Variants in KHSRP observed in about 807,000 individuals in gnomAD.
KHSRP encodes far upstream element-binding protein 2.
Under a neutral mutation model 94.9 loss-of-function variants are expected in KHSRP, and 13 were observed. The observed-to-expected ratio is 0.14, with a 90% CI of 0.09 to 0.22. The LOEUF is 0.22. Among genes scored for constraint, KHSRP ranks in the 10% least tolerant of loss-of-function variants. KHSRP has a pLI of 1.00. For synonymous variants in KHSRP, 495 were observed against 401.4 expected (o/e 1.23, Z -2.79); for missense variants, 710 against 1,010.0 (o/e 0.70, Z 4.03).
intron 1 of KHSRP, among the ~76,000 whole-genome samples, chr19:6,422,834 G>GT (rs888266800): frequency 1.6e-4 from 24 of 151,254 alleles, no homozygotes; most frequent in East Asian, 3.9e-4. Context: ...CAGAAAGTGT[G>GT]TTTTTTTTTA....
At position 6,415,276 on chromosome 19, in the gene KHSRP, T is replaced by C. The variant is rs1190073264; in HGVS notation, c.1992A>G (p.Pro664=). The C allele has an allele frequency of 6.2e-7, 1 of 1,613,092 alleles. No individual in the cohort carries two copies. The highest frequency in any genetic ancestry group is 8.5e-7 in the Non-Finnish European group (1 of 1,179,822). ...CTGGCTGGGAGCCTGGGGGAGCTCCTGGACCCCCTCCGGTGGCCACTTGCG... is the reference window on the plus strand; with the variant it reads ...CTGGCTGGGAGCCTGGGGGAGCTCCCGGACCCCCTCCGGTGGCCACTTGCG... ...KQAQVATGGG[P]GAPPGSQPDY... Residue 664 remains proline (P), a synonymous_variant, in exon 19 of 19, where the codon CCA becomes CCG. Coordinates refer to ENST00000600480, the MANE Select transcript of KHSRP (RefSeq NM_001366299.1).
chr19:6,418,767 T>C lies in KHSRP; in HGVS notation c.715A>G (p.Met239Val). ...AGGCCGGCCTTGCCCGCGGGGATCA[T>C]GATCTCCTGCACGGTGCCGTTCTGG... ...GGQNGTVQEI[M>V]IPAGKAGLVI... The change falls in exon 8 of 19, where the codon ATG (methionine) becomes GTG (valine). Residue 239 changes from methionine to valine, a missense_variant. Met to Val is a conservative substitution (Grantham distance 21, BLOSUM62 1). This residue lies in a region of KHSRP where 288 missense variants were observed against 501.1 expected (regional missense o/e 0.57). Coordinates refer to ENST00000600480, the MANE Select transcript of KHSRP (RefSeq NM_001366299.1). The surrounding 1 kb of genome is among the most constrained non-coding windows in gnomAD (Gnocchi z 4.3). 1 of 1,612,648 alleles carries C rather than the reference T, an allele frequency of 6.2e-7. No homozygotes were observed. The highest frequency in any genetic ancestry group is 8.5e-7 in the Non-Finnish European group (1 of 1,179,488).
chr19:6,415,677 T>G lies in KHSRP; in HGVS notation c.1745A>C (p.His582Pro). 1 of 1,546,358 alleles carries G rather than the reference T, an allele frequency of 6.5e-7. No homozygotes were observed. Residue 582 changes from histidine to proline, a missense_variant, in exon 17 of 19, where the codon CAC (histidine) becomes CCC (proline). By Grantham distance (77) the His-to-Pro change is moderately conservative. Coordinates refer to ENST00000600480, the MANE Select transcript of KHSRP (RefSeq NM_001366299.1). ...PNAAWAAYYS[H>P]YYQQPPGPVP... The stretch of plus-strand genomic sequence containing the variant: ...GGGGCCCGGGGGCTGCTGGTAGTAG[T>G]GTGAGTAGTAGGCGGCCCACGCGGC...
rs1442582441 is a variant in KHSRP, at chr19:6,421,279, T to C, written c.424A>G (p.Arg142Gly). The part of the protein sequence containing the change: ...SQLGPIHPPP[R>G]TSMTEEYRVP... ...AGTGTGGGCCCCACCATGGCTTACC[T>C]TGGGGGAGGATGGATGGGTCCAAGT... is the stretch of plus-strand genomic sequence containing the variant. Residue 142 changes from arginine to glycine, a missense_variant and splice_region_variant, in exon 4 of 19, where the codon AGG becomes GGG. This residue lies in a region of KHSRP where 288 missense variants were observed against 501.1 expected (regional missense o/e 0.57). Coordinates refer to ENST00000600480, the MANE Select transcript of KHSRP (RefSeq NM_001366299.1). 1 of 1,587,750 alleles carries C rather than the reference T, an allele frequency of 6.3e-7. No individual in the cohort carries two copies. Among genetic ancestry groups the C allele is most frequent in the Non-Finnish European group, 8.6e-7 (1 of 1,167,390 alleles).
chr19:6,415,324 G>A lies in KHSRP; in HGVS notation c.1967-23C>T, dbSNP rs537734851. 9.3e-6 allele frequency: 15 copies of A among 1,613,528 alleles called. No individual in the cohort carries two copies. In the African/African-American group the frequency reaches 1.9e-4, roughly 20 times the overall value. On this transcript the variant is annotated intron_variant, in intron 18 of 18. Transcript: ENST00000600480. ...GCGCTGTGGGTGGACAAAGGCAGGT[G>A]AGAGGCTGTGGGTGAGGGCTGCCCC...
Position 6,424,646 on chromosome 19 carries a change from C to A in KHSRP, c.56G>T (p.Gly19Val). 2.0e-6 allele frequency: 2 copies of A among 1,012,370 alleles called. No homozygotes were observed. The highest frequency in any genetic ancestry group is 2.4e-6 in the Non-Finnish European group (2 of 848,656). 62.7% of individuals were successfully genotyped at this position (1,012,370 alleles called of 1,614,324 possible). A position where few individuals can be genotyped will look rare whatever the true frequency, so the allele number is the denominator to read the frequency against. ...PPPGPPPPAGGGGGAGGAGGG... is the reference protein window; with the variant it reads ...PPPGPPPPAGVGGGAGGAGGG... ...CCCGGCGCCTCCGGCTCCCCCGCCCCCGCCGGCGGGCGGCGGCGGCCCGGG... is the reference window on the plus strand; with the variant it reads ...CCCGGCGCCTCCGGCTCCCCCGCCCACGCCGGCGGGCGGCGGCGGCCCGGG... The change falls in exon 1 of 19, where the codon GGG (glycine) becomes GTG (valine). Residue 19 changes from glycine to valine, a missense_variant. Transcript: ENST00000600480.
chr19:6,420,047 C>G (rs757299495), intron 6 of KHSRP, 26 bp downstream of exon 6: 6 of 1,586,618 alleles, frequency 3.8e-6, no homozygotes, highest in Non-Finnish European at 5.2e-6. Context: ...GGCCCCCACT[C>G]TGGCAGGAAC....
Position 6,415,619 on chromosome 19 carries a change from T to TGGGGCCGCA in KHSRP, c.1794_1802dup (p.Ala599_Pro601dup). ...GCTGAGGGGGCTCACCCTGAGCCGGTGGGGCCGCAGGGGCCGGTGCGGGGC... is the reference window on the plus strand; with the variant it reads ...GCTGAGGGGGCTCACCCTGAGCCGGTGGGGCCGCAGGGGCCGCAGGGGCCGGTGCGGGGC... On this transcript the variant is annotated inframe_insertion, in exon 17 of 19. Transcript: ENST00000600480. The TGGGGCCGCA allele has an allele frequency of 3.3e-6, 5 of 1,513,170 alleles. No individual in the cohort carries two copies. Among genetic ancestry groups the TGGGGCCGCA allele is most frequent in the Non-Finnish European group, 3.5e-6 (4 of 1,131,608 alleles). The allele number at this position is 1,513,170 out of a possible 1,614,324, so 93.7% of individuals were successfully genotyped here.
intron 2 of KHSRP, among the ~76,000 whole-genome samples, chr19:6,421,982 T>C (rs2092197825): frequency 6.6e-6 from 1 of 152,130 alleles, no homozygotes; most frequent in African/African-American, 2.4e-5. Flanking sequence ...TGGATAACAG[T>C]GGAGTTGGTC....
chr19:6,414,161 G>A lies in KHSRP; in HGVS notation c.*863C>T, dbSNP rs777283442. ...AGATAGGAATTGGTCACTACGGGGAGGGAAGGGTGGGAGACTAGGGGGCGG... is the reference window on the plus strand; with the variant it reads ...AGATAGGAATTGGTCACTACGGGGAAGGAAGGGTGGGAGACTAGGGGGCGG... On this transcript the variant is annotated 3_prime_UTR_variant, in exon 19 of 19. Transcript: ENST00000600480. The A allele has an allele frequency of 2.5e-6, 4 of 1,601,870 alleles. No individual in the cohort carries two copies. Among genetic ancestry groups the A allele is most frequent in the South Asian group, 1.1e-5 (1 of 89,644 alleles).
chr19:6,424,367 TGCGC>T (rs888935149), intron 1 of KHSRP, 82 bp downstream of exon 1: 35 of 623,108 alleles, frequency 5.6e-5, no homozygotes, highest in African/African-American at 3.3e-4. Context: ...TCCGCGACCC[TGCGC>T]GCGCGCGCGC....
rs531695750 is a variant in KHSRP, at chr19:6,421,761, C to T, written c.347-73G>A. On this transcript the variant is annotated intron_variant, in intron 2 of 18. Coordinates refer to ENST00000600480, the MANE Select transcript of KHSRP (RefSeq NM_001366299.1). ...CGCCTCGAACCTGATGCTGGTGCCA[C>T]ATGTCCAAGGTAAACAGTGCCCCTC... is the stretch of plus-strand genomic sequence containing the variant. 4.2e-5 allele frequency: 66 copies of T among 1,560,074 alleles called. No individual in the cohort carries two copies. In the South Asian group the frequency reaches 6.6e-4, roughly 16 times the overall value.
intron 2 of KHSRP, among the ~76,000 whole-genome samples, chr19:6,422,076 G>A (rs1177689756): frequency 1.3e-5 from 2 of 152,152 alleles, no homozygotes; most frequent in African/African-American, 4.8e-5. Flanking sequence ...AACTGCTCCA[G>A]GTTGCCTCAG....
chr19:6,416,399 G>T lies in KHSRP; in HGVS notation c.1497C>A (p.Leu499=). ...QLIEEKIEGP[L]CPVGPGPGGP... ...CACCTGGGCCTGGTCCAACTGGGCA[G>T]AGAGGACCCTAGAAGGAAGGAGAGT... Residue 499 remains leucine, a synonymous_variant, in exon 15 of 19, where the codon CTC becomes CTA. Transcript: ENST00000600480. 1 of 1,613,512 alleles carries T rather than the reference G, an allele frequency of 6.2e-7. No homozygotes were observed. The highest frequency in any genetic ancestry group is 8.5e-7 in the Non-Finnish European group (1 of 1,179,720).
At position 6,414,038 on chromosome 19, in the gene KHSRP, C is replaced by T. The variant is rs1351321295; in HGVS notation, c.*986G>A. On this transcript the variant is annotated 3_prime_UTR_variant, in exon 19 of 19. Coordinates refer to ENST00000600480, the MANE Select transcript of KHSRP (RefSeq NM_001366299.1). Reference sequence around the variant, plus strand: ...GCCATCGCTCTCTCGCCAAACAAAACAGAAGCCCCCAAACAGAACAAAATG... The same window carrying T: ...GCCATCGCTCTCTCGCCAAACAAAATAGAAGCCCCCAAACAGAACAAAATG... 5.9e-6 allele frequency: 9 copies of T among 1,520,506 alleles called. No homozygotes were observed. The Admixed American group carries it at 1.7e-4, about 29-fold the overall frequency. The allele number at this position is 1,520,506 out of a possible 1,614,324, so 94.2% of individuals were successfully genotyped here. A position where few individuals can be genotyped will look rare whatever the true frequency, so the allele number is the denominator to read the frequency against.
At position 6,415,789 on chromosome 19, in the gene KHSRP, C is replaced by T. The variant is rs772039285; in HGVS notation, c.1687+19G>A. The T allele has an allele frequency of 2.0e-5, 31 of 1,559,322 alleles. No homozygotes were observed. Among genetic ancestry groups the T allele is most frequent in the Non-Finnish European group, 2.5e-5 (29 of 1,152,336 alleles). On this transcript the variant is annotated intron_variant, in intron 16 of 18. Coordinates refer to ENST00000600480, the MANE Select transcript of KHSRP (RefSeq NM_001366299.1). The stretch of plus-strand genomic sequence containing the variant: ...GGACAGAACAGGGCCTGCCCTCCGC[C>T]AGGTGGCCCATCACTTACTTGGGTC...
At chr19:6,419,926 T>C in intron 6 of KHSRP, 147 bp downstream of exon 6, 5 of 659,724 alleles carry the variant, frequency 7.6e-6, no homozygotes, top group Non-Finnish European at 1.3e-5. Context: ...TGGAGTGAGA[T>C]ACTGCACTGA....
chr19:6,424,783 C>T lies in KHSRP; in HGVS notation c.-82G>A, dbSNP rs904270662. ...GCGGCGGCTCAACGCGGGAACAAGGCCTCGCTCCACACGGCCGCGGAGCAC... is the reference window on the plus strand; with the variant it reads ...GCGGCGGCTCAACGCGGGAACAAGGTCTCGCTCCACACGGCCGCGGAGCAC... On this transcript the variant is annotated 5_prime_UTR_variant, in exon 1 of 19. Transcript: ENST00000600480. The T allele has an allele frequency of 6.4e-6, 3 of 468,510 alleles. No individual in the cohort carries two copies. Among genetic ancestry groups the T allele is most frequent in the South Asian group, 8.4e-5 (1 of 11,934 alleles). The allele number at this position is 468,510 out of a possible 1,614,324, so 29.0% of individuals were successfully genotyped here.
chr19:6,421,879 A>G (rs539469602), intron 2 of KHSRP, among the ~76,000 whole-genome samples, 191 bp from the exon 3 acceptor site: 11 of 152,328 alleles, frequency 7.2e-5, no homozygotes, highest in Non-Finnish European at 1.2e-4. Context: ...ACCAACGCTC[A>G]GAGTAAAAAA....
Sources: gnomAD v4.1 joint callset for allele counts (sites outside exome capture counted in the v4.1 genomes callset) on GRCh38, gnomAD v4.1.1 for gene constraint, gnomAD v4.1.1 regional missense constraint, Gnocchi (gnomAD v3.1) non-coding constraint, MANE v1.5 for transcripts, NCBI Gene and HGNC (gene_info 2026-07-23, HGNC 2026-07-21) for gene names.